The following MAML3 variants were observed in gnomAD, a reference collection of about 807,000 sequenced individuals.
MAML3 encodes the protein mastermind like transcriptional coactivator 3.
A neutral mutation model predicts 101.9 loss-of-function variants in MAML3; 27 were observed. That is an observed-to-expected ratio of 0.27 (90% confidence interval 0.20 to 0.37). The LOEUF (loss-of-function observed/expected upper bound fraction) is 0.37, where lower values mean the gene tolerates loss of function less well. MAML3 is among the 10% of genes least tolerant of loss of function. The pLI, the probability that MAML3 is intolerant of heterozygous loss-of-function variation, is 1.00. For missense variants in MAML3, 1,316 were observed against 1,444.9 expected (o/e 0.91, Z 1.45); for synonymous variants, 501 against 555.9 (o/e 0.90, Z 1.39).
chr4:139,738,063 G>A (rs1276570436), intron 2 of MAML3, among the ~76,000 whole-genome samples: 3 of 152,126 alleles, frequency 2.0e-5, no homozygotes, highest in South Asian at 4.2e-4. Context: ...TGTACATTGG[G>A]GGAACCCCAC....
At chr4:139,876,225 T>C (rs984820513) in intron 2 of MAML3, among the ~76,000 whole-genome samples, 9 of 152,238 alleles carry the variant, frequency 5.9e-5, no homozygotes, top group African/African-American at 1.4e-4. Flanking sequence ...AATAAAAATA[T>C]ATTAAGATGA....
chr4:139,893,088 T>C (rs1452576967), intron 1 of MAML3, among the ~76,000 whole-genome samples: 1 of 152,208 alleles, frequency 6.6e-6, no homozygotes, highest in East Asian at 1.9e-4. Flanking sequence ...AGACTTATAG[T>C]TCCTTAAAGG....
At chr4:139,829,077 CAAGG>C (rs529976620) in intron 2 of MAML3, among the ~76,000 whole-genome samples, 127 of 107,922 alleles carry the variant, frequency 1.2e-3, no homozygotes, top group African/African-American at 4.3e-3. Flanking sequence ...AGGAAGGAAG[CAAGG>C]AAGGAAGGAA....
chr4:139,889,395 G>T lies in MAML3; in HGVS notation c.2041C>A (p.Gln681Lys). 6.2e-7 allele frequency: 1 copy of T among 1,614,072 alleles called. No individual in the cohort carries two copies. Among genetic ancestry groups the T allele is most frequent in the African/African-American group, 1.3e-5 (1 of 75,054 alleles). The change falls in exon 2 of 5, where the codon CAG becomes AAG. Residue 681 changes from glutamine to lysine, a missense_variant. Gln to Lys is a moderately conservative substitution (Grantham distance 53, BLOSUM62 1). Transcript: ENST00000509479. Reference protein sequence around the residue: ...LLMKQKGVMNQPMAYAALPSH... With the variant: ...LLMKQKGVMNKPMAYAALPSH... Reference sequence around the variant, plus strand: ...GGAAGTGCAGCGTAAGCCATGGGCTGATTCATCACTCCTTTCTGCTTCATG... The same window carrying T: ...GGAAGTGCAGCGTAAGCCATGGGCTTATTCATCACTCCTTTCTGCTTCATG...
chr4:139,970,080 T>G (rs4863710), intron 1 of MAML3, among the ~76,000 whole-genome samples: 47,712 of 151,858 alleles, frequency 0.31, 8,277 homozygotes, highest in East Asian at 0.61. Context: ...GCCTTCCAGA[T>G]ATTTGCCATC....
rs140882507 is a variant in MAML3, at chr4:140,004,145, T to A, written c.469-113178A>T. Among the ~76,000 whole-genome samples, 28 of 152,334 alleles carry A rather than the reference T, an allele frequency of 1.8e-4. No individual in the cohort carries two copies. The East Asian group carries it at 4.4e-3, about 24-fold the overall frequency. ...CAGAAGCCTTTCTGAACACCATACCTGGCTATTTAAATTCACAAGGCATTT... is the reference window on the plus strand; with the variant it reads ...CAGAAGCCTTTCTGAACACCATACCAGGCTATTTAAATTCACAAGGCATTT... On this transcript the variant is annotated intron_variant, in intron 1 of 4. Coordinates refer to ENST00000509479, the MANE Select transcript of MAML3 (RefSeq NM_018717.5).
At chr4:139,962,735 A>G (rs977616375) in intron 1 of MAML3, among the ~76,000 whole-genome samples, 3 of 152,226 alleles carry the variant, frequency 2.0e-5, no homozygotes, top group Non-Finnish European at 4.4e-5. Context: ...AGAGGAAGAG[A>G]GGAATGAGAG....
chr4:139,769,916 C>CTTTTTT (rs139445743), intron 2 of MAML3, among the ~76,000 whole-genome samples: 1 of 132,294 alleles, frequency 7.6e-6, no homozygotes, highest in African/African-American at 2.9e-5. Flanking sequence ...CGCCCAGCCT[C>CTTTTTT]TTTTTTTTTT....
chr4:139,876,193 A>G (rs763519648), intron 2 of MAML3, among the ~76,000 whole-genome samples: 2 of 152,262 alleles, frequency 1.3e-5, no homozygotes, highest in Non-Finnish European at 2.9e-5. Context: ...TAACATAATC[A>G]TATTTTAAAT....
chr4:139,806,705 A>T (rs1359871709), intron 2 of MAML3, among the ~76,000 whole-genome samples: 2 of 152,242 alleles, frequency 1.3e-5, no homozygotes, highest in East Asian at 3.8e-4. Flanking sequence ...ACAATAGGTG[A>T]CAGATTAAAT....
intron 1 of MAML3, among the ~76,000 whole-genome samples, chr4:139,927,368 G>A (rs1427693843): frequency 6.6e-6 from 1 of 152,122 alleles, no homozygotes; most frequent in African/African-American, 2.4e-5. Context: ...ACTTGCTTAG[G>A]GTGGTTTATG....
Position 139,814,024 on chromosome 4 carries a change from A to AC in MAML3, c.2079+75332_2079+75333insG, listed in dbSNP as rs1491471748. On this transcript the variant is annotated intron_variant, in intron 2 of 4. Coordinates refer to ENST00000509479, the MANE Select transcript of MAML3 (RefSeq NM_018717.5). ...GCAGCTAGCTACAGTACACAAACAC[A>AC]AACACACACACACACACACACACAC... Among the ~76,000 whole-genome samples the AC allele has an allele frequency of 6.2e-3, 704 of 114,130 alleles. 4 individuals are homozygous for AC. Among genetic ancestry groups the AC allele is most frequent in the African/African-American group, 0.022 (595 of 26,688 alleles). The allele number at this position is 114,130 out of a possible 152,430, so 74.9% of individuals were successfully genotyped here.
intron 2 of MAML3, among the ~76,000 whole-genome samples, chr4:139,859,912 A>G (rs1422569765): frequency 1.3e-5 from 2 of 152,222 alleles, no homozygotes; most frequent in Non-Finnish European, 2.9e-5. Context: ...TCTGTACGAG[A>G]GCAAACGAGA....
chr4:139,921,369 C>T (rs900734927), intron 1 of MAML3, among the ~76,000 whole-genome samples: 1 of 152,084 alleles, frequency 6.6e-6, no homozygotes, highest in African/African-American at 2.4e-5. Context: ...AGTCTCATAC[C>T]CTCTCCTGAG....
chr4:140,058,725 T>A (rs1416520949), intron 1 of MAML3, among the ~76,000 whole-genome samples: 1 of 152,178 alleles, frequency 6.6e-6, no homozygotes, highest in Non-Finnish European at 1.5e-5. Flanking sequence ...TATCATTTTG[T>A]TTCATTAGTC....
intron 1 of MAML3, among the ~76,000 whole-genome samples, chr4:140,097,112 C>T (rs1286845373): frequency 2.0e-5 from 3 of 152,112 alleles, no homozygotes; most frequent in African/African-American, 7.2e-5. Context: ...TATTTTAAAA[C>T]ACAGTGAAAC....
Position 140,153,461 on chromosome 4 carries a change from A to C in MAML3, c.-134T>G. 1 of 980,336 alleles carries C rather than the reference A, an allele frequency of 1.0e-6. No homozygotes were observed. Among genetic ancestry groups the C allele is most frequent in the Non-Finnish European group, 1.3e-6 (1 of 753,034 alleles). 60.7% of individuals were successfully genotyped at this position (980,336 alleles called of 1,614,324 possible). ...CGCAAGCACATGGATGGAAACGGCG[A>C]TCCCGACGGGGCGAAAAAAACGGGG... On this transcript the variant is annotated 5_prime_UTR_variant, in exon 1 of 5. Transcript: ENST00000509479.
At chr4:140,089,305 C>T (rs760732323) in intron 1 of MAML3, among the ~76,000 whole-genome samples, 1 of 152,080 alleles carries the variant, frequency 6.6e-6, no homozygotes, top group Admixed American at 6.6e-5. Context: ...CAGATTTTGA[C>T]CAATAATAAT....
At chr4:139,833,266 AG>A (rs67336611) in intron 2 of MAML3, among the ~76,000 whole-genome samples, 13,727 of 152,130 alleles carry the variant, frequency 0.09, 1,900 homozygotes, top group African/African-American at 0.3. Context: ...AGACAGGGGG[AG>A]GGGGCCGCGT....
Sources: gnomAD v4.1 joint callset for allele counts (sites outside exome capture counted in the v4.1 genomes callset) on GRCh38, gnomAD v4.1.1 for gene constraint, MANE v1.5 for transcripts, NCBI Gene and HGNC (gene_info 2026-07-23, HGNC 2026-07-21) for gene names.